The following PRKAR2A variants were observed in gnomAD, a reference collection of about 807,000 sequenced individuals.
The protein encoded by PRKAR2A is protein kinase cAMP-dependent type II regulatory subunit alpha.
A neutral mutation model predicts 51.9 loss-of-function variants in PRKAR2A; 29 were observed. The observed-to-expected ratio is 0.56, with a 90% CI of 0.42 to 0.76. The LOEUF is 0.76. Among genes scored for constraint, PRKAR2A ranks in the 30% least tolerant of loss-of-function variants. The pLI, the probability that PRKAR2A is intolerant of heterozygous loss-of-function variation, is 0.00. For missense variants in PRKAR2A, 445 were observed against 512.1 expected, an observed-to-expected ratio of 0.87 and a Z score of 1.26; for synonymous variants, 178 against 186.2, an observed-to-expected ratio of 0.96 and a Z score of 0.36.
rs188676414 is a variant in PRKAR2A, at chr3:48,802,186, G to A, written c.298+5463C>T. On this transcript the variant is annotated intron_variant, in intron 2 of 10. Coordinates refer to ENST00000265563, the MANE Select transcript of PRKAR2A (RefSeq NM_004157.4). ...GCCTCCCAAAGTGTTGGGATTACAA[G>A]TGTGAGCCACCGCACCTGGCCAAAT... Among the ~76,000 whole-genome samples, 18 of 152,256 alleles carry A rather than the reference G, an allele frequency of 1.2e-4. No homozygotes were observed. The East Asian group carries it at 2.5e-3, about 21-fold the overall frequency.
rs917521108 is a variant in PRKAR2A, at chr3:48,847,831, G to T, written c.-235C>A. On this transcript the variant is annotated 5_prime_UTR_variant, in exon 1 of 11. Coordinates refer to ENST00000265563, the MANE Select transcript of PRKAR2A (RefSeq NM_004157.4). The surrounding 1 kb of genome is among the most constrained non-coding windows in gnomAD (Gnocchi z 4.4). ...GGCAGCCGCCGCCGCCGCGGGGACC[G>T]ACGGGCAGGCGAGCTGGACGGGCGG... The T allele has an allele frequency of 2.6e-6, 1 of 380,198 alleles. No homozygotes were observed. Among genetic ancestry groups the T allele is most frequent in the African/African-American group, 2.1e-5 (1 of 47,580 alleles). 23.6% of individuals were successfully genotyped at this position (380,198 alleles called of 1,614,324 possible). A position where few individuals can be genotyped will look rare whatever the true frequency, so the allele number is the denominator to read the frequency against.
rs138101965 is a variant in PRKAR2A at position 48,758,522 on chromosome 3, G to A, written c.874-2078C>T. Reference sequence around the variant, plus strand: ...CGCTTGAACCCAGGAGGTGGAGGTCGCAGTAAGCCGAGATTGTGCCACTGC... The same window carrying A: ...CGCTTGAACCCAGGAGGTGGAGGTCACAGTAAGCCGAGATTGTGCCACTGC... On this transcript the variant is annotated intron_variant, in intron 8 of 10. Transcript: ENST00000265563. Among the ~76,000 whole-genome samples the A allele has an allele frequency of 7.7e-3, 1,153 of 148,880 alleles. 9 individuals carry two copies. Among genetic ancestry groups the A allele is most frequent in the African/African-American group, 0.027 (1,096 of 40,296 alleles).
chr3:48,796,710 G>C (rs574857517), intron 2 of PRKAR2A, among the ~76,000 whole-genome samples: 211 of 145,514 alleles, frequency 1.5e-3, no homozygotes, highest in Non-Finnish European at 2.5e-3. Context: ...GGCTGGTCTC[G>C]AACTCCTGAT....
intron 6 of PRKAR2A, among the ~76,000 whole-genome samples, chr3:48,768,344 T>TAGAGAC (rs1559608383): frequency 8.2e-6 from 1 of 122,260 alleles, no homozygotes; most frequent in Admixed American, 8.5e-5. Context: ...TAGATAGATA[T>TAGAGAC]AGACAGACAG....
intron 6 of PRKAR2A, among the ~76,000 whole-genome samples, chr3:48,769,972 C>T (rs2107248309): frequency 6.6e-6 from 1 of 152,282 alleles, no homozygotes; most frequent in East Asian, 1.9e-4. Flanking sequence ...GACAGGGTTT[C>T]ACCACGTTGC....
chr3:48,803,379 T>C (rs1422841067), intron 2 of PRKAR2A, among the ~76,000 whole-genome samples: 1 of 152,088 alleles, frequency 6.6e-6, no homozygotes, highest in Admixed American at 6.6e-5. Context: ...CAATGCACTC[T>C]AGCCCAGCCT....
intron 8 of PRKAR2A, among the ~76,000 whole-genome samples, chr3:48,757,305 G>C (rs2081787856): frequency 6.6e-6 from 1 of 152,114 alleles, no homozygotes; most frequent in Non-Finnish European, 1.5e-5. Flanking sequence ...CACATTTCAA[G>C]GCTTGATGAC....
chr3:48,847,529 C>T lies in PRKAR2A; in HGVS notation c.68G>A (p.Arg23Gln). ...LLQGYTVEVL[R>Q]QQPPDLVEFA... ...TTCGACGAGGTCAGGCGGCTGCTGT[C>T]GCAGCACCTCCACCGTGTAGCCCTG... The change falls in exon 1 of 11, where the codon CGA (arginine) becomes CAA (glutamine). Residue 23 changes from arginine (R) to glutamine (Q), a missense_variant. Physicochemically the swap from Arg to Gln is conservative, Grantham distance 43 (BLOSUM62 1). Transcript: ENST00000265563. The surrounding 1 kb of genome is among the most constrained non-coding windows in gnomAD (Gnocchi z 4.4). 6.4e-7 allele frequency: 1 copy of T among 1,568,168 alleles called. No individual in the cohort carries two copies. The highest frequency in any genetic ancestry group is 8.6e-7 in the Non-Finnish European group (1 of 1,158,792).
Position 48,753,371 on chromosome 3 carries a change from AT to A in PRKAR2A, c.940-1055del, listed in dbSNP as rs555926234. Reference sequence around the variant, plus strand: ...AATTGTTTAGAATTTATTAGTAAGAATTAGTCTCAATCTCTAAGAACCACTT... The same window carrying A: ...AATTGTTTAGAATTTATTAGTAAGAATAGTCTCAATCTCTAAGAACCACTT... On this transcript the variant is annotated intron_variant, in intron 9 of 10. Transcript: ENST00000265563. Among the ~76,000 whole-genome samples the A allele has an allele frequency of 4.3e-4, 65 of 152,250 alleles. 1 individual carries two copies. The highest frequency in any genetic ancestry group is 6.8e-3 in the Middle Eastern group (2 of 294).
intron 3 of PRKAR2A, among the ~76,000 whole-genome samples, chr3:48,792,339 A>G (rs2082403849): frequency 6.7e-6 from 1 of 148,866 alleles, no homozygotes; most frequent in Non-Finnish European, 1.5e-5. Flanking sequence ...ATGGGGTTTC[A>G]CCATATTGGT....
At chr3:48,807,774 C>T in intron 1 of PRKAR2A, 90 bp from the exon 2 acceptor site, 2 of 1,063,084 alleles carry the variant, frequency 1.9e-6, no homozygotes. Flanking sequence ...TTACAATAGA[C>T]CTAAGCCCCT....
At chr3:48,811,655 A>G (rs543344614) in intron 1 of PRKAR2A, among the ~76,000 whole-genome samples, 29 of 152,296 alleles carry the variant, frequency 1.9e-4, no homozygotes, top group African/African-American at 6.7e-4. Context: ...AGGAGGGGAG[A>G]ATGAAAAGTG....
intron 1 of PRKAR2A, among the ~76,000 whole-genome samples, chr3:48,840,414 G>C (rs1201203218): frequency 2.6e-5 from 4 of 151,732 alleles, no homozygotes; most frequent in African/African-American, 4.8e-5. Flanking sequence ...TGAACTGCTT[G>C]AACCCAGGAG....
chr3:48,828,487 G>A (rs924178781), intron 1 of PRKAR2A, among the ~76,000 whole-genome samples: 1 of 152,008 alleles, frequency 6.6e-6, no homozygotes, highest in African/African-American at 2.4e-5. Context: ...GGAGGCTGAG[G>A]CAGGAGAATT....
At chr3:48,815,067 C>T (rs952119183) in intron 1 of PRKAR2A, among the ~76,000 whole-genome samples, 1 of 152,058 alleles carries the variant, frequency 6.6e-6, no homozygotes, top group Non-Finnish European at 1.5e-5. Flanking sequence ...GCGCCCACCA[C>T]CACACCTGGC....
intron 1 of PRKAR2A, among the ~76,000 whole-genome samples, chr3:48,823,654 C>T (rs767859827): frequency 1.5e-4 from 23 of 150,774 alleles, no homozygotes; most frequent in Non-Finnish European, 2.5e-4. Context: ...GGTATGGTGG[C>T]GCACGTCTGT....
At chr3:48,782,177 G>A (rs930295821) in intron 5 of PRKAR2A, among the ~76,000 whole-genome samples, 8 of 152,108 alleles carry the variant, frequency 5.3e-5, no homozygotes, top group Non-Finnish European at 8.8e-5. Flanking sequence ...CCAGCCAGAG[G>A]ATACTAAACT....
chr3:48,772,815 G>T (rs2107257118), intron 6 of PRKAR2A, 140 bp downstream of exon 6: 5 of 876,542 alleles, frequency 5.7e-6, no homozygotes, highest in Non-Finnish European at 8.0e-6. Context: ...TATTTTTTTT[G>T]TATTTTTTAG....
chr3:48,799,014 C>T (rs1190806287), intron 2 of PRKAR2A, among the ~76,000 whole-genome samples: 3 of 152,072 alleles, frequency 2.0e-5, no homozygotes, highest in African/African-American at 7.2e-5. Context: ...TCCTCTGTTC[C>T]CCTCAATCTC....
Sources: gnomAD v4.1 joint callset for allele counts (sites outside exome capture counted in the v4.1 genomes callset) on GRCh38, gnomAD v4.1.1 for gene constraint, Gnocchi (gnomAD v3.1) non-coding constraint, MANE v1.5 for transcripts, NCBI Gene and HGNC (gene_info 2026-07-23, HGNC 2026-07-21) for gene names.